Variants in PLOD1 observed in about 807,000 individuals in gnomAD.
PLOD1 encodes the protein procollagen-lysine,2-oxoglutarate 5-dioxygenase 1, also known as lysine hydroxylase.
In PLOD1, 70 loss-of-function variants were observed where a neutral mutation model predicts 94.7. The ratio of observed to expected loss-of-function variants is 0.74; its 90% CI spans 0.61 to 0.90. The LOEUF is 0.90. PLOD1 is among the 40% of genes least tolerant of loss of function. The probability of loss-of-function intolerance (pLI) is 0.00; values close to 1 mark genes in which losing one functional copy is unlikely to be tolerated. For synonymous variants in PLOD1, 417 were observed against 400.2 expected, an observed-to-expected ratio of 1.04 and a Z score of -0.50; for missense variants, 905 against 972.7, an observed-to-expected ratio of 0.93 and a Z score of 0.93.
intron 16 of PLOD1, among the ~76,000 whole-genome samples, chr1:11,967,874 C>T (rs970321440): frequency 5.3e-5 from 8 of 150,824 alleles, no homozygotes; most frequent in Non-Finnish European, 1.0e-4. Flanking sequence ...CTCAGCTTGC[C>T]GAGTAGCTGG....
At chr1:11,965,726 A>G in intron 14 of PLOD1, 133 bp downstream of exon 14, 1 of 643,356 alleles carries the variant, frequency 1.6e-6, no homozygotes, top group Non-Finnish European at 2.8e-6. Context: ...CCTTCACCCC[A>G]GGAGGCTATA....
rs1204347120 is a variant in PLOD1 at position 11,957,075 on chromosome 1, A to C, written c.741+61A>C. 4.4e-5 allele frequency: 48 copies of C among 1,103,216 alleles called. No homozygotes were observed. Among genetic ancestry groups the C allele is most frequent in the Non-Finnish European group, 5.6e-5 (40 of 713,568 alleles). 68.3% of individuals were successfully genotyped at this position (1,103,216 alleles called of 1,614,324 possible). A position where few individuals can be genotyped will look rare whatever the true frequency, so the allele number is the denominator to read the frequency against. On this transcript the variant is annotated intron_variant, in intron 7 of 18. Coordinates refer to ENST00000196061, the MANE Select transcript of PLOD1 (RefSeq NM_000302.4). The surrounding 1 kb of genome is among the most constrained non-coding windows in gnomAD (Gnocchi z 4.1). ...GGGCCAGAGCCCTAATTTCATTCTC[A>C]CTGTGACCCCACAGTGTCTCCCTGG...
At chr1:11,939,622 CTTTTTT>C (rs1202318965) in intron 1 of PLOD1, among the ~76,000 whole-genome samples, 1 of 152,006 alleles carries the variant, frequency 6.6e-6, no homozygotes, top group East Asian at 1.9e-4. Flanking sequence ...TTTTCTTTTT[CTTTTTT>C]TGAGATGGAG....
chr1:11,973,699 C>CA (rs1415493709), intron 18 of PLOD1, among the ~76,000 whole-genome samples: 1 of 148,012 alleles, frequency 6.8e-6, no homozygotes, highest in African/African-American at 2.6e-5. Context: ...CCCACCTCAG[C>CA]CCCCCCAAGT....
At position 11,957,861 on chromosome 1, in the gene PLOD1, G is replaced by A. The variant is rs767610828; in HGVS notation, c.761G>A (p.Gly254Asp). The A allele has an allele frequency of 1.2e-6, 2 of 1,613,778 alleles. No individual in the cohort carries two copies. The highest frequency in any genetic ancestry group is 1.3e-5 in the African/African-American group (1 of 74,910). ...GPTKLQLNYL[G>D]NYIPRFWTFE... ...CGACAGCTGCAGTTGAACTACCTGG[G>A]CAACTACATCCCGCGCTTCTGGACC... is the stretch of plus-strand genomic sequence containing the variant. The change falls in exon 8 of 19, where the codon GGC (glycine) becomes GAC (aspartate). Residue 254 changes from glycine to aspartate, a missense_variant. By Grantham distance (94) the Gly-to-Asp change is moderately conservative. Transcript: ENST00000196061. This position sits in a 1 kb window ranked among gnomAD's most constrained non-coding sequence, Gnocchi z 4.1.
At chr1:11,940,338 C>G (rs1645607320) in intron 1 of PLOD1, among the ~76,000 whole-genome samples, 1 of 152,080 alleles carries the variant, frequency 6.6e-6, no homozygotes, top group Non-Finnish European at 1.5e-5. Context: ...TTCTTGCTCT[C>G]AGGAAGGCAG....
At position 11,974,932 on chromosome 1, in the gene PLOD1, T is replaced by C; in HGVS notation, c.*124T>C. The C allele has an allele frequency of 1.1e-6, 1 of 906,264 alleles. No homozygotes were observed. The highest frequency in any genetic ancestry group is 1.7e-5 in the Admixed American group (1 of 57,650). The allele number at this position is 906,264 out of a possible 1,614,324, so 56.1% of individuals were successfully genotyped here. The stretch of plus-strand genomic sequence containing the variant: ...CCTGGCTGTTGACTTCCCATTGCTC[T>C]TGGAGCCACCAATCAAAGAGATTCA... On this transcript the variant is annotated 3_prime_UTR_variant, in exon 19 of 19. Coordinates refer to ENST00000196061, the MANE Select transcript of PLOD1 (RefSeq NM_000302.4).
At chr1:11,956,822 C>G (rs1645741121) in intron 6 of PLOD1, 95 bp from the exon 7 acceptor site, 3 of 803,932 alleles carry the variant, frequency 3.7e-6, no homozygotes, top group Non-Finnish European at 4.5e-6. Flanking sequence ...ACATAATCTA[C>G]TCACTGCACA....
In PLOD1 at chr1:11,964,493, A is replaced by G. The variant is rs2100758083; in HGVS notation, c.1329-151A>G. On this transcript the variant is annotated intron_variant, in intron 12 of 18. Transcript: ENST00000196061. Reference sequence around the variant, plus strand: ...AGGCCCATGTGTCCAGGGCGGGGGAATCAAATCAGCACAATTGTGCCCCCC... The same window carrying G: ...AGGCCCATGTGTCCAGGGCGGGGGAGTCAAATCAGCACAATTGTGCCCCCC... The G allele has an allele frequency of 1.6e-5, 15 of 910,090 alleles. No individual in the cohort carries two copies. The South Asian group carries it at 2.1e-4, about 13-fold the overall frequency. 56.4% of individuals were successfully genotyped at this position (910,090 alleles called of 1,614,324 possible). A position where few individuals can be genotyped will look rare whatever the true frequency, so the allele number is the denominator to read the frequency against.
At chr1:11,934,984 C>T (rs1420001174) in intron 1 of PLOD1, 129 bp downstream of exon 1, 2 of 1,167,852 alleles carry the variant, frequency 1.7e-6, no homozygotes, top group Non-Finnish European at 2.3e-6. Flanking sequence ...GGCTCCTTGT[C>T]CACTTAATCG....
At chr1:11,970,850 G>A in intron 17 of PLOD1, 34 bp downstream of exon 17, 1 of 1,496,484 alleles carries the variant, frequency 6.7e-7, no homozygotes, top group Admixed American at 1.8e-5. Context: ...AGGATGCGGG[G>A]ACAGTTGGGT....
intron 1 of PLOD1, 56 bp downstream of exon 1, chr1:11,934,911 C>A: frequency 6.6e-7 from 1 of 1,512,210 alleles, no homozygotes; most frequent in South Asian, 1.2e-5. Context: ...GGGCTGGTGT[C>A]GGGCTGCCTC....
rs143190802 is a variant in PLOD1 at position 11,959,231 on chromosome 1, A to G, written c.975+584A>G. Among the ~76,000 whole-genome samples, 1,200 of 152,058 alleles carry G rather than the reference A, an allele frequency of 7.9e-3. 11 individuals are homozygous for G. Among genetic ancestry groups the G allele is most frequent in the African/African-American group, 0.028 (1,143 of 41,492 alleles). ...AAAAAAAATAAAAATAAATAAATAA[A>G]TAAATAAAATAAAATAGGGATAATA... is the stretch of plus-strand genomic sequence containing the variant. On this transcript the variant is annotated intron_variant, in intron 9 of 18. Coordinates refer to ENST00000196061, the MANE Select transcript of PLOD1 (RefSeq NM_000302.4).
At chr1:11,952,977 A>G (rs1457185494) in intron 5 of PLOD1, among the ~76,000 whole-genome samples, 1 of 152,166 alleles carries the variant, frequency 6.6e-6, no homozygotes, top group Non-Finnish European at 1.5e-5. Flanking sequence ...TGGTACAGAC[A>G]CAGCTGACTT....
chr1:11,935,686 A>G (rs1426251966), intron 1 of PLOD1, among the ~76,000 whole-genome samples: 1 of 149,554 alleles, frequency 6.7e-6, no homozygotes, highest in Non-Finnish European at 1.5e-5. Context: ...ATGCAGTGGC[A>G]CAATCTCAGC....
intron 1 of PLOD1, among the ~76,000 whole-genome samples, chr1:11,943,725 CATAG>C (rs953210184): frequency 2.6e-5 from 4 of 152,240 alleles, no homozygotes; most frequent in East Asian, 1.9e-4. Context: ...AGCTCCCTTA[CATAG>C]ATAGAGAGAC....
chr1:11,934,742 C>T lies in PLOD1; in HGVS notation c.-38C>T, dbSNP rs905095948. ...GTCGCGAAGTTTCCAGCCCTGCGAG[C>T]GCCGCCGGGTCGGCCGATCGTCCCC... On this transcript the variant is annotated 5_prime_UTR_variant, in exon 1 of 19. Coordinates refer to ENST00000196061, the MANE Select transcript of PLOD1 (RefSeq NM_000302.4). 8 of 1,518,636 alleles carry T rather than the reference C, an allele frequency of 5.3e-6. No homozygotes were observed. The highest frequency in any genetic ancestry group is 2.6e-5 in the East Asian group (1 of 38,234). 94.1% of individuals were successfully genotyped at this position (1,518,636 alleles called of 1,614,324 possible).
chr1:11,962,277 T>TTTC (rs1553135783), intron 10 of PLOD1, among the ~76,000 whole-genome samples: 4 of 130,932 alleles, frequency 3.1e-5, no homozygotes, highest in African/African-American at 1.3e-4. Context: ...TTGTTTTCTT[T>TTTC]TTTTTTTTTT....
chr1:11,947,844 G>C (rs1372472606), intron 1 of PLOD1, 132 bp from the exon 2 acceptor site: 1 of 704,080 alleles, frequency 1.4e-6, no homozygotes. Context: ...TCTTCCCTGG[G>C]CCCTGTTCTG....
Sources: gnomAD v4.1 joint callset for allele counts (sites outside exome capture counted in the v4.1 genomes callset) on GRCh38, gnomAD v4.1.1 for gene constraint, Gnocchi (gnomAD v3.1) non-coding constraint, MANE v1.5 for transcripts, NCBI Gene and HGNC (gene_info 2026-07-23, HGNC 2026-07-21) for gene names.